MICU1: variants seen among roughly 807,000 people sequenced by gnomAD.
MICU1 encodes the protein mitochondrial calcium uptake 1, also known as calcium uptake protein 1, mitochondrial.
A neutral mutation model predicts 56.8 loss-of-function variants in MICU1; 45 were observed. The ratio of observed to expected loss-of-function variants is 0.79; its 90% CI spans 0.62 to 1.02. The LOEUF (loss-of-function observed/expected upper bound fraction) is 1.02. Ranked by LOEUF, MICU1 falls within the 50% of genes least tolerant of loss-of-function variation. MICU1 has a pLI of 0.00. For missense variants in MICU1, 504 were observed against 587.1 expected (o/e 0.86, Z 1.46); for synonymous variants, 186 against 195.1 (o/e 0.95, Z 0.39).
At chr10:72,586,014 T>TTTC (rs386371805) in intron 1 of MICU1, among the ~76,000 whole-genome samples, 11 of 36,198 alleles carry the variant, frequency 3.0e-4, no homozygotes, top group Non-Finnish European at 7.1e-4. Flanking sequence ...TTTTTTTTTC[T>TTTC]TTTTTTTTTT....
intron 6 of MICU1, among the ~76,000 whole-genome samples, chr10:72,488,771 A>C (rs1452116312): frequency 6.6e-6 from 1 of 152,188 alleles, no homozygotes; most frequent in Non-Finnish European, 1.5e-5. Context: ...TATTGACAAA[A>C]TGAAATGTTT....
chr10:72,616,179 C>T (rs1358355384), intron 1 of MICU1, among the ~76,000 whole-genome samples: 1 of 152,114 alleles, frequency 6.6e-6, no homozygotes, highest in Non-Finnish European at 1.5e-5. Context: ...TCTTTGCATG[C>T]CTAGTAATTT....
intron 10 of MICU1, among the ~76,000 whole-genome samples, chr10:72,377,969 G>A (rs1367940177): frequency 3.3e-5 from 5 of 152,282 alleles, no homozygotes; most frequent in Middle Eastern, 3.4e-3. Context: ...TAATTCCCAG[G>A]CCAGGCGTGG....
chr10:72,547,197 C>T (rs1460899798), intron 4 of MICU1, among the ~76,000 whole-genome samples: 1 of 151,726 alleles, frequency 6.6e-6, no homozygotes, highest in African/African-American at 2.4e-5. Context: ...CCGGCCTCTG[C>T]TAATTTTTTT....
chr10:72,591,961 A>G (rs1003543439), intron 1 of MICU1, among the ~76,000 whole-genome samples: 5 of 151,360 alleles, frequency 3.3e-5, no homozygotes, highest in African/African-American at 1.2e-4. Flanking sequence ...CAGTGAGCCA[A>G]CATTCAACAC....
At chr10:72,532,280 T>G (rs537583936) in intron 5 of MICU1, among the ~76,000 whole-genome samples, 3 of 151,350 alleles carry the variant, frequency 2.0e-5, no homozygotes, top group Non-Finnish European at 4.4e-5. Flanking sequence ...ATTGCTCCAC[T>G]GCACTCCAGC....
intron 4 of MICU1, among the ~76,000 whole-genome samples, chr10:72,549,938 A>AAAAAAAAAAAC (rs1387008155): frequency 6.6e-6 from 1 of 151,704 alleles, no homozygotes; most frequent in Admixed American, 6.6e-5. Flanking sequence ...CTCAAAAAAA[A>AAAAAAAAAAAC]AAAAAAAGAG....
intron 6 of MICU1, among the ~76,000 whole-genome samples, chr10:72,490,133 G>A (rs1032087716): frequency 5.9e-5 from 9 of 152,124 alleles, no homozygotes; most frequent in African/African-American, 1.7e-4. Context: ...TTACACACAG[G>A]ACTTAAGACG....
intron 1 of MICU1, among the ~76,000 whole-genome samples, chr10:72,618,816 G>T (rs934235939): frequency 6.6e-6 from 1 of 152,184 alleles, no homozygotes; most frequent in African/African-American, 2.4e-5. Flanking sequence ...TGTGAGTACT[G>T]GGCATCTGAA....
At chr10:72,455,224 C>T (rs928070274) in intron 8 of MICU1, among the ~76,000 whole-genome samples, 3 of 151,490 alleles carry the variant, frequency 2.0e-5, no homozygotes, top group South Asian at 2.1e-4. Flanking sequence ...TGGTGGTGGG[C>T]GCCTGTAATC....
At chr10:72,508,134 A>G (rs748939017) in intron 6 of MICU1, 21 bp downstream of exon 6, 1 of 1,325,600 alleles carries the variant, frequency 7.5e-7, no homozygotes, top group South Asian at 1.9e-5. Context: ...ACAAATGGAA[A>G]AAGAAAACGT....
intron 1 of MICU1, among the ~76,000 whole-genome samples, chr10:72,578,276 GA>G (rs147603813): frequency 0.026 from 3,886 of 151,314 alleles, 61 homozygotes; most frequent in Middle Eastern, 0.051. Context: ...TTTTTTTTTT[GA>G]GATGGAGTCT....
intron 9 of MICU1, among the ~76,000 whole-genome samples, chr10:72,421,431 C>T (rs990042974): frequency 5.3e-5 from 8 of 152,096 alleles, no homozygotes; most frequent in Non-Finnish European, 1.0e-4. Flanking sequence ...CCCACCACCA[C>T]GCCTGGCTAA....
intron 6 of MICU1, among the ~76,000 whole-genome samples, chr10:72,500,363 G>A (rs1410768496): frequency 7.5e-6 from 1 of 133,112 alleles, no homozygotes; most frequent in Non-Finnish European, 1.5e-5. Flanking sequence ...GCCCAGGCTA[G>A]GGTGCAGTGG....
intron 5 of MICU1, among the ~76,000 whole-genome samples, chr10:72,525,807 A>G (rs1328657426): frequency 6.6e-6 from 1 of 152,088 alleles, no homozygotes; most frequent in Non-Finnish European, 1.5e-5. Context: ...TGTAACTGAC[A>G]GAGAGGTTAA....
intron 5 of MICU1, among the ~76,000 whole-genome samples, chr10:72,526,378 C>T (rs1867962730): frequency 6.6e-6 from 1 of 152,060 alleles, no homozygotes; most frequent in Non-Finnish European, 1.5e-5. Context: ...CTCACTGCAC[C>T]TCCGCCTCCC....
chr10:72,570,669 T>C (rs1389418673), intron 1 of MICU1, among the ~76,000 whole-genome samples: 1 of 152,208 alleles, frequency 6.6e-6, no homozygotes, highest in East Asian at 1.9e-4. Context: ...AAATTGGACC[T>C]AAATCTTGCC....
At chr10:72,555,498 A>C (rs1450046178) in intron 3 of MICU1, among the ~76,000 whole-genome samples, 1 of 152,228 alleles carries the variant, frequency 6.6e-6, no homozygotes, top group African/African-American at 2.4e-5. Context: ...CGGCAGAAGC[A>C]AGGGGAAAAG....
intron 1 of MICU1, among the ~76,000 whole-genome samples, chr10:72,600,661 A>AAG (rs1554895615): frequency 6.6e-6 from 1 of 151,824 alleles, no homozygotes; most frequent in African/African-American, 2.4e-5. Context: ...AAAAAAAAAA[A>AAG]AAAAAGAAAA....
Sources: gnomAD v4.1 joint callset for allele counts (sites outside exome capture counted in the v4.1 genomes callset) on GRCh38, gnomAD v4.1.1 for gene constraint, MANE v1.5 for transcripts, NCBI Gene and HGNC (gene_info 2026-07-23, HGNC 2026-07-21) for gene names.